Variants in GPHN observed in about 807,000 individuals in gnomAD.
The protein encoded by GPHN is gephyrin.
GPHN carries 17 observed loss-of-function variants against 95.5 expected under a neutral mutation model. The ratio of observed to expected loss-of-function variants is 0.18; its 90% confidence interval spans 0.12 to 0.27. GPHN has a LOEUF of 0.27. GPHN is among the 10% of genes least tolerant of loss of function. The pLI, the probability that GPHN is intolerant of heterozygous loss-of-function variation, is 1.00. For missense variants in GPHN, 660 were observed against 978.1 expected, an observed-to-expected ratio of 0.67 and a Z score of 4.34; for synonymous variants, 320 against 322.5, an observed-to-expected ratio of 0.99 and a Z score of 0.08.
At chr14:67,578,653 C>T in the GPHN span, 2 of 1,482,498 alleles carry the variant, frequency 1.3e-6, no homozygotes, top group East Asian at 4.7e-5. The surrounding 1 kb of genome is among the most constrained non-coding windows in gnomAD (Gnocchi z 5.0). Flanking sequence ...TGGCCGTTTC[C>T]TCTGCCACTT....
chr14:67,137,974 G>A (rs537285815), intron 17 of GPHN, among the ~76,000 whole-genome samples: 1 of 152,196 alleles, frequency 6.6e-6, no homozygotes, highest in South Asian at 2.1e-4. Flanking sequence ...GCAGTGGTGA[G>A]AATAAGTCAA....
intron 9 of GPHN, among the ~76,000 whole-genome samples, chr14:67,017,060 T>C (rs561010991): frequency 1.2e-4 from 18 of 152,216 alleles, no homozygotes; most frequent in African/African-American, 3.9e-4. Context: ...AAGTCCAGTA[T>C]TGGAAATCAT....
chr14:67,333,276 CTG>C, the GPHN span: 1 of 193,156 alleles, frequency 5.2e-6, no homozygotes, highest in African/African-American at 2.3e-5. Context: ...AGTTGTATCT[CTG>C]TGAAAAACTT....
intron 9 of GPHN, among the ~76,000 whole-genome samples, chr14:67,010,553 G>GAAAAAAAAAAAAA (rs529841338): frequency 4.2e-5 from 2 of 47,982 alleles, no homozygotes; most frequent in Admixed American, 2.2e-4. Flanking sequence ...CTCTGTCTCA[G>GAAAAAAAAAAAAA]AAAAAAAAAA....
chr14:67,046,880 A>G (rs1355456921), intron 10 of GPHN, among the ~76,000 whole-genome samples: 1 of 152,152 alleles, frequency 6.6e-6, no homozygotes, highest in Non-Finnish European at 1.5e-5. Flanking sequence ...GAGTTATATG[A>G]AAGTCTAAAT....
the GPHN span, among the ~76,000 whole-genome samples, chr14:67,603,261 C>T: frequency 2.0e-5 from 3 of 152,148 alleles, no homozygotes; most frequent in Non-Finnish European, 4.4e-5. Flanking sequence ...GTAGAAATGG[C>T]ATCTCACTAT....
chr14:67,391,271 ATGTGTGTGTGTGTGTG>A, the GPHN span, among the ~76,000 whole-genome samples: 37 of 143,912 alleles, frequency 2.6e-4, no homozygotes, highest in South Asian at 6.9e-4. Flanking sequence ...AGCAGCTGAT[ATGTGTGTGTGTGTGTG>A]TGTGTGTGTG....
At chr14:67,198,610 C>T in the GPHN span, among the ~76,000 whole-genome samples, 57 of 152,246 alleles carry the variant, frequency 3.7e-4, no homozygotes, top group Admixed American at 8.5e-4. Flanking sequence ...TGGCATTTCC[C>T]GCCACAGGGA....
At chr14:66,665,683 A>T (rs952493981) in intron 1 of GPHN, among the ~76,000 whole-genome samples, 2 of 152,194 alleles carry the variant, frequency 1.3e-5, no homozygotes, top group African/African-American at 4.8e-5. Flanking sequence ...ATTGTGGAAG[A>T]CAGTGTGGCG....
the GPHN span, among the ~76,000 whole-genome samples, chr14:67,415,380 C>T: frequency 6.6e-6 from 1 of 151,936 alleles, no homozygotes; most frequent in African/African-American, 2.4e-5. Flanking sequence ...TAATCATTCC[C>T]ATGTAGGTTG....
chr14:66,523,342 A>G (rs1452922333), intron 1 of GPHN, among the ~76,000 whole-genome samples: 2 of 152,108 alleles, frequency 1.3e-5, no homozygotes, highest in African/African-American at 2.4e-5. Context: ...TAGAAGAATA[A>G]TAGTGATTAA....
At chr14:67,133,556 A>G (rs1342322235) in intron 17 of GPHN, among the ~76,000 whole-genome samples, 4 of 152,170 alleles carry the variant, frequency 2.6e-5, no homozygotes, top group African/African-American at 9.7e-5. Context: ...GCAGATGTAA[A>G]TTTTAAAAAG....
At chr14:67,526,970 AC>A in the GPHN span, among the ~76,000 whole-genome samples, 2 of 152,068 alleles carry the variant, frequency 1.3e-5, no homozygotes, top group South Asian at 4.2e-4. Context: ...GAGATAATAG[AC>A]CTATTGGTTC....
chr14:67,511,974 A>G, the GPHN span, among the ~76,000 whole-genome samples: 183 of 152,364 alleles, frequency 1.2e-3, no homozygotes, highest in African/African-American at 4.2e-3. Context: ...TCACAGCAGC[A>G]TGGGGCATCC....
the GPHN span, among the ~76,000 whole-genome samples, chr14:67,482,420 A>G: frequency 6.6e-6 from 1 of 152,224 alleles, no homozygotes; most frequent in African/African-American, 2.4e-5. Flanking sequence ...ATTTTTGTCC[A>G]GAGAAGCATC....
the GPHN span, chr14:67,569,784 A>C: frequency 3.0e-6 from 2 of 658,850 alleles, no homozygotes; most frequent in Non-Finnish European, 5.6e-6. Flanking sequence ...GAAGATGAAC[A>C]GGGCCCTGGC....
the GPHN span, among the ~76,000 whole-genome samples, chr14:67,675,926 G>A: frequency 3.1e-4 from 47 of 151,924 alleles, 1 homozygote; most frequent in African/African-American, 1.1e-3. Context: ...TGAAACCCCC[G>A]TCTCTGCTAA....
the GPHN span, chr14:67,292,603 G>A: frequency 6.2e-7 from 1 of 1,613,618 alleles, no homozygotes; most frequent in Non-Finnish European, 8.5e-7. Context: ...TTTACAACTT[G>A]TTCAAAATAA....
chr14:66,714,318 A>C (rs749600907), intron 2 of GPHN, among the ~76,000 whole-genome samples: 4 of 152,138 alleles, frequency 2.6e-5, no homozygotes, highest in Non-Finnish European at 5.9e-5. Flanking sequence ...TGTGTGTAGA[A>C]GAGCTACTGA....
Sources: allele counts gnomAD v4.1 joint callset (sites outside exome capture counted in the v4.1 genomes callset), GRCh38; gene constraint gnomAD v4.1.1; non-coding constraint Gnocchi (gnomAD v3.1); transcripts MANE v1.5; gene names NCBI Gene and HGNC (gene_info 2026-07-23, HGNC 2026-07-21).